Variants in ABLIM2 observed in about 807,000 individuals in gnomAD.
ABLIM2 encodes actin-binding LIM protein 2.
ABLIM2 carries 53 observed loss-of-function variants against 97.7 expected under a neutral mutation model. That is an observed-to-expected ratio of 0.54 (90% CI 0.44 to 0.68). The LOEUF (loss-of-function observed/expected upper bound fraction) is 0.68, where lower values mean the gene tolerates loss of function less well. Among genes scored for constraint, ABLIM2 ranks in the 30% least tolerant of loss-of-function variants. The pLI, the probability that ABLIM2 is intolerant of heterozygous loss-of-function variation, is 0.00. For missense variants in ABLIM2, 835 were observed against 867.2 expected (o/e 0.96, Z 0.47); for synonymous variants, 361 against 345.8 (o/e 1.04, Z -0.49).
intron 20 of ABLIM2, among the ~76,000 whole-genome samples, chr4:7,976,528 G>C (rs56357517): frequency 6.6e-6 from 1 of 152,120 alleles, no homozygotes; most frequent in East Asian, 1.9e-4. Context: ...GGGCCTATCC[G>C]GGCTCAGGTC....
In ABLIM2 at chr4:7,966,724, T is replaced by A. The variant is rs945721795; in HGVS notation, c.*266A>T. On this transcript the variant is annotated 3_prime_UTR_variant, in exon 21 of 21. Transcript: ENST00000447017. ...GCAGCCACCTGTGTGCTCCATCTGATGCCCGACACAGCCACTCTACAGCCT... is the reference window on the plus strand; with the variant it reads ...GCAGCCACCTGTGTGCTCCATCTGAAGCCCGACACAGCCACTCTACAGCCT... 1 of 458,098 alleles carries A rather than the reference T, an allele frequency of 2.2e-6. No individual in the cohort carries two copies. The highest frequency in any genetic ancestry group is 1.9e-5 in the African/African-American group (1 of 51,506). 28.4% of individuals were successfully genotyped at this position (458,098 alleles called of 1,614,324 possible).
intron 8 of ABLIM2, among the ~76,000 whole-genome samples, chr4:8,047,585 A>C (rs73797049): frequency 6.6e-6 from 1 of 152,172 alleles, no homozygotes; most frequent in African/African-American, 2.4e-5. Flanking sequence ...CTGTTTGCAA[A>C]GTAGACAGCT....
chr4:7,986,652 C>G lies in ABLIM2; in HGVS notation c.1681-1759G>C, dbSNP rs1291231704. 6.6e-6 allele frequency among the ~76,000 whole-genome samples: 1 copy of G among 152,142 alleles called. No homozygotes were observed. The highest frequency in any genetic ancestry group is 6.5e-5 in the Admixed American group (1 of 15,276). On this transcript the variant is annotated intron_variant, in intron 17 of 20. Coordinates refer to ENST00000447017, the MANE Select transcript of ABLIM2 (RefSeq NM_001130083.2). The surrounding 1 kb of genome is among the most constrained non-coding windows in gnomAD (Gnocchi z 4.3). ...CCACCACTTCACAAAATAATTCTTGCCTTCAGGGGTATTCACAAAGAATTT... is the reference window on the plus strand; with the variant it reads ...CCACCACTTCACAAAATAATTCTTGGCTTCAGGGGTATTCACAAAGAATTT...
rs1760637029 is a variant in ABLIM2 at position 8,005,465 on chromosome 4, C to T, written c.1618+2594G>A. 1 of 531,216 alleles carries T rather than the reference C, an allele frequency of 1.9e-6. No individual in the cohort carries two copies. Among genetic ancestry groups the T allele is most frequent in the Non-Finnish European group, 3.8e-6 (1 of 259,928 alleles). The allele number at this position is 531,216 out of a possible 1,614,324, so 32.9% of individuals were successfully genotyped here. Reference sequence around the variant, plus strand: ...TGGCGTGCCTTGCTGTGTGCAAATGCTTTGTTCAGTAAAAGCTGTGTGCAA... The same window carrying T: ...TGGCGTGCCTTGCTGTGTGCAAATGTTTTGTTCAGTAAAAGCTGTGTGCAA... On this transcript the variant is annotated intron_variant, in intron 16 of 20. Coordinates refer to ENST00000447017, the MANE Select transcript of ABLIM2 (RefSeq NM_001130083.2). This position sits in a 1 kb window ranked among gnomAD's most constrained non-coding sequence, Gnocchi z 4.9.
chr4:8,157,529 G>C (rs765698386), intron 1 of ABLIM2, among the ~76,000 whole-genome samples: 27 of 152,242 alleles, frequency 1.8e-4, no homozygotes, highest in Non-Finnish European at 3.2e-4. Context: ...TCCTTCCTTG[G>C]ATTGGAGGGG....
At chr4:8,084,131 A>G (rs143051034) in intron 4 of ABLIM2, among the ~76,000 whole-genome samples, 15 of 152,346 alleles carry the variant, frequency 9.8e-5, no homozygotes, top group African/African-American at 3.6e-4. Context: ...AGAGTGATTG[A>G]AAATCCACGA....
At position 8,044,336 on chromosome 4, in the gene ABLIM2, C is replaced by T. The variant is rs1363109645; in HGVS notation, c.900+828G>A. ...AGTCCCGGGTGACCCCTGGCCACCA[C>T]CGCATAAGCCATCCCTCACCTGGCG... On this transcript the variant is annotated intron_variant, in intron 9 of 20. Transcript: ENST00000447017. The surrounding 1 kb of genome is among the most constrained non-coding windows in gnomAD (Gnocchi z 4.4). Among the ~76,000 whole-genome samples the T allele has an allele frequency of 6.6e-6, 1 of 152,018 alleles. No individual in the cohort carries two copies. Among genetic ancestry groups the T allele is most frequent in the Non-Finnish European group, 1.5e-5 (1 of 68,004 alleles).
chr4:8,027,972 C>T (rs1778480368), intron 11 of ABLIM2, 115 bp from the exon 12 acceptor site: 4 of 748,240 alleles, frequency 5.3e-6, no homozygotes, highest in Admixed American at 4.1e-5. Flanking sequence ...TTGAGGAATG[C>T]ACAACTTTTT....
chr4:8,040,244 G>A (rs1037556537), intron 9 of ABLIM2, among the ~76,000 whole-genome samples: 1 of 152,212 alleles, frequency 6.6e-6, no homozygotes, highest in South Asian at 2.1e-4. Context: ...TTCTGAGACC[G>A]TGGGGGTGCT....
In ABLIM2 at chr4:8,147,072, T is replaced by C. The variant is rs1369926012; in HGVS notation, c.10+11608A>G. On this transcript the variant is annotated intron_variant, in intron 1 of 20. Coordinates refer to ENST00000447017, the MANE Select transcript of ABLIM2 (RefSeq NM_001130083.2). This position sits in a 1 kb window ranked among gnomAD's most constrained non-coding sequence, Gnocchi z 5.3. ...TTTATTTCTGAAATTCATGTCTGTG[T>C]TTCAGAGGCTTTCTTCAGAAGAGAT... Among the ~76,000 whole-genome samples the C allele has an allele frequency of 1.3e-5, 2 of 152,204 alleles. No homozygotes were observed. Among genetic ancestry groups the C allele is most frequent in the African/African-American group, 4.8e-5 (2 of 41,428 alleles).
rs1272116775 is a variant in ABLIM2, at chr4:8,023,969, A to G, written c.1268-3666T>C. On this transcript the variant is annotated intron_variant, in intron 12 of 20. Coordinates refer to ENST00000447017, the MANE Select transcript of ABLIM2 (RefSeq NM_001130083.2). This position sits in a 1 kb window ranked among gnomAD's most constrained non-coding sequence, Gnocchi z 5.7. ...GGTGGCCACGGGCAGGCCAGGTAGG[A>G]TGATGCCCATGCTGCAATGCACAGC... Among the ~76,000 whole-genome samples, 1 of 152,114 alleles carries G rather than the reference A, an allele frequency of 6.6e-6. No individual in the cohort carries two copies. The highest frequency in any genetic ancestry group is 2.4e-5 in the African/African-American group (1 of 41,438).
In ABLIM2 at chr4:8,125,940, T is replaced by C. The variant is rs978164287; in HGVS notation, c.11-19303A>G. Among the ~76,000 whole-genome samples the C allele has an allele frequency of 2.0e-5, 3 of 152,140 alleles. No individual in the cohort carries two copies. Among genetic ancestry groups the C allele is most frequent in the African/African-American group, 7.2e-5 (3 of 41,430 alleles). ...TTGGGAACACACCTGCATGTCTCCT[T>C]TTTTGGTTCACAACACCCTGGGAGG... On this transcript the variant is annotated intron_variant, in intron 1 of 20. Transcript: ENST00000447017. The surrounding 1 kb of genome is among the most constrained non-coding windows in gnomAD (Gnocchi z 6.2).
chr4:8,045,135 G>A lies in ABLIM2; in HGVS notation c.900+29C>T, dbSNP rs376698675. On this transcript the variant is annotated intron_variant, in intron 9 of 20. Transcript: ENST00000447017. ...CCCCTTCTCTCTCCACCCTCCCACC[G>A]CCGTCCCCATAAAAAGGCCCTGACT... 3.2e-5 allele frequency: 51 copies of A among 1,602,086 alleles called. No individual in the cohort carries two copies. In the African/African-American group the frequency reaches 3.7e-4, roughly 12 times the overall value.
chr4:8,013,470 T>C (rs1356751797), intron 14 of ABLIM2, among the ~76,000 whole-genome samples: 1 of 152,202 alleles, frequency 6.6e-6, no homozygotes, highest in Non-Finnish European at 1.5e-5. Flanking sequence ...ATGATCCACC[T>C]GCCTCAGCCT....
rs1372045614 is a variant in ABLIM2 at position 8,001,908 on chromosome 4, C to T, written c.1618+6151G>A. On this transcript the variant is annotated intron_variant, in intron 16 of 20. Transcript: ENST00000447017. This position sits in a 1 kb window ranked among gnomAD's most constrained non-coding sequence, Gnocchi z 4.2. ...GGCACCTTCCCACCTGCCCGCTTGT[C>T]AGCACACACATGTGCGTGCTCTCTC... Among the ~76,000 whole-genome samples, 2 of 152,246 alleles carry T rather than the reference C, an allele frequency of 1.3e-5. No homozygotes were observed. The highest frequency in any genetic ancestry group is 1.3e-4 in the Admixed American group (2 of 15,282).
rs1032989856 is a variant in ABLIM2, at chr4:8,019,926, C to G, written c.1370-255G>C. 6.6e-6 allele frequency among the ~76,000 whole-genome samples: 1 copy of G among 152,186 alleles called. No individual in the cohort carries two copies. The highest frequency in any genetic ancestry group is 1.5e-5 in the Non-Finnish European group (1 of 68,044). Reference sequence around the variant, plus strand: ...GGTCCCCCGGGAAGTGTAGCCAGCTCAGACAGCCCTTTTCCTTCACCCCAT... The same window carrying G: ...GGTCCCCCGGGAAGTGTAGCCAGCTGAGACAGCCCTTTTCCTTCACCCCAT... On this transcript the variant is annotated intron_variant, in intron 13 of 20. Coordinates refer to ENST00000447017, the MANE Select transcript of ABLIM2 (RefSeq NM_001130083.2). This position sits in a 1 kb window ranked among gnomAD's most constrained non-coding sequence, Gnocchi z 4.3.
chr4:8,143,159 T>TGGG (rs1554123507), intron 1 of ABLIM2, among the ~76,000 whole-genome samples: 15 of 61,394 alleles, frequency 2.4e-4, no homozygotes, highest in African/African-American at 6.2e-4. Context: ...GGGGCGAGAG[T>TGGG]GGGGGGGGGG....
intron 5 of ABLIM2, 136 bp downstream of exon 5, chr4:8,080,540 G>T: frequency 2.0e-6 from 2 of 1,024,576 alleles, no homozygotes; most frequent in East Asian, 2.9e-5. Context: ...TCACCCAGCA[G>T]CAGGGCAGTA....
rs1002809157 is a variant in ABLIM2 at position 8,005,227 on chromosome 4, T to A, written c.1618+2832A>T. On this transcript the variant is annotated intron_variant, in intron 16 of 20. Transcript: ENST00000447017. The surrounding 1 kb of genome is among the most constrained non-coding windows in gnomAD (Gnocchi z 4.9). ...TGTCGGCGTCTCTGCCTCTCTCAGC[T>A]CCCTGCACGCTTCTCCAGGTCAGGG... The A allele has an allele frequency of 2.0e-6, 1 of 489,282 alleles. No individual in the cohort carries two copies. The highest frequency in any genetic ancestry group is 4.3e-6 in the Non-Finnish European group (1 of 234,140). 30.3% of individuals were successfully genotyped at this position (489,282 alleles called of 1,614,324 possible).
Sources: allele counts gnomAD v4.1 joint callset (sites outside exome capture counted in the v4.1 genomes callset), GRCh38; gene constraint gnomAD v4.1.1; non-coding constraint Gnocchi (gnomAD v3.1); transcripts MANE v1.5; gene names NCBI Gene and HGNC (gene_info 2026-07-23, HGNC 2026-07-21).